ZFAND3: variants seen among roughly 807,000 people sequenced by gnomAD.
ZFAND3 encodes the protein zinc finger AN1-type containing 3.
ZFAND3 carries 10 observed loss-of-function variants against 29.6 expected under a neutral mutation model. That is an observed-to-expected ratio of 0.34 (90% CI 0.21 to 0.57). The LOEUF (loss-of-function observed/expected upper bound fraction) is 0.57, where lower values mean the gene tolerates loss of function less well. Among genes scored for constraint, ZFAND3 ranks in the 20% least tolerant of loss-of-function variants. The pLI is 0.86. For missense variants in ZFAND3, 230 were observed against 304.5 expected, an observed-to-expected ratio of 0.76 and a Z score of 1.82; for synonymous variants, 128 against 112.6, an observed-to-expected ratio of 1.14 and a Z score of -0.87.
intron 2 of ZFAND3, among the ~76,000 whole-genome samples, chr6:38,014,130 C>T (rs1028565374): frequency 6.6e-6 from 1 of 151,954 alleles, no homozygotes; most frequent in African/African-American, 2.4e-5. Flanking sequence ...CAAATGGGGG[C>T]AAAATGTAAA....
At chr6:38,139,901 T>A (rs1765915482) in intron 5 of ZFAND3, among the ~76,000 whole-genome samples, 1 of 152,172 alleles carries the variant, frequency 6.6e-6, no homozygotes, top group African/African-American at 2.4e-5. Context: ...GAAAAAAAGA[T>A]TCTGGCGGCT....
chr6:38,054,585 C>T (rs777696686), intron 2 of ZFAND3, among the ~76,000 whole-genome samples: 3 of 151,754 alleles, frequency 2.0e-5, no homozygotes, highest in Admixed American at 6.6e-5. Flanking sequence ...GAAGGAATCG[C>T]CATGAGAGGT....
intron 3 of ZFAND3, among the ~76,000 whole-genome samples, chr6:38,066,866 G>C (rs1764356210): frequency 6.6e-6 from 1 of 152,270 alleles, no homozygotes; most frequent in East Asian, 1.9e-4. Flanking sequence ...AAATGAAGCA[G>C]GTATCTAAAA....
chr6:37,928,249 C>T (rs774370605), intron 1 of ZFAND3, among the ~76,000 whole-genome samples: 1 of 152,166 alleles, frequency 6.6e-6, no homozygotes, highest in South Asian at 2.1e-4. Flanking sequence ...TCAGAGAATA[C>T]TTCCTGAGGG....
chr6:38,006,338 C>T (rs2127441731), intron 2 of ZFAND3, among the ~76,000 whole-genome samples: 1 of 152,236 alleles, frequency 6.6e-6, no homozygotes, highest in Middle Eastern at 3.4e-3. Flanking sequence ...AGAAATTTCA[C>T]ACTAATTTTA....
chr6:37,860,624 G>A (rs1764468734), intron 1 of ZFAND3, among the ~76,000 whole-genome samples: 1 of 150,322 alleles, frequency 6.7e-6, no homozygotes, highest in Admixed American at 6.6e-5. Flanking sequence ...AGTGCCAAGG[G>A]GATATTCACT....
rs546319451 is a variant in ZFAND3, at chr6:38,029,811, G to A, written c.113-31782G>A. 3.0e-4 allele frequency among the ~76,000 whole-genome samples: 45 copies of A among 152,032 alleles called. 1 individual carries two copies. The highest frequency in any genetic ancestry group is 5.0e-4 in the Non-Finnish European group (34 of 67,976). On this transcript the variant is annotated intron_variant, in intron 2 of 5. Coordinates refer to ENST00000287218, the MANE Select transcript of ZFAND3 (RefSeq NM_021943.3). Reference sequence around the variant, plus strand: ...ATTTCCAGTAATCGTATAAATTATCGTCATGTATTTTATCTTTGCATATGC... The same window carrying A: ...ATTTCCAGTAATCGTATAAATTATCATCATGTATTTTATCTTTGCATATGC...
At chr6:37,854,207 T>A (rs1764335237) in intron 1 of ZFAND3, among the ~76,000 whole-genome samples, 1 of 152,188 alleles carries the variant, frequency 6.6e-6, no homozygotes, top group Non-Finnish European at 1.5e-5. Flanking sequence ...TGCCTCAGCC[T>A]CCCAAAGTGC....
At chr6:37,988,423 A>C (rs1377555741) in intron 2 of ZFAND3, among the ~76,000 whole-genome samples, 1 of 152,174 alleles carries the variant, frequency 6.6e-6, no homozygotes, top group East Asian at 1.9e-4. Flanking sequence ...ACTTTTCCTC[A>C]TCTGCCAGAA....
At chr6:38,037,875 T>C (rs1351123688) in intron 2 of ZFAND3, among the ~76,000 whole-genome samples, 2 of 152,200 alleles carry the variant, frequency 1.3e-5, no homozygotes, top group African/African-American at 4.8e-5. Flanking sequence ...TACTGCAAAG[T>C]TGTATGAATC....
chr6:38,059,354 A>G (rs966042060), intron 2 of ZFAND3, among the ~76,000 whole-genome samples: 4 of 152,178 alleles, frequency 2.6e-5, no homozygotes, highest in African/African-American at 7.2e-5. Context: ...TACCGTGTAT[A>G]TCTTTCTGTA....
At chr6:37,851,598 G>A (rs1764283415) in intron 1 of ZFAND3, among the ~76,000 whole-genome samples, 1 of 152,132 alleles carries the variant, frequency 6.6e-6, no homozygotes, top group African/African-American at 2.4e-5. Flanking sequence ...AGATCTCAAA[G>A]TGTTGTTGCA....
chr6:38,090,486 A>C (rs1764843796), intron 4 of ZFAND3, among the ~76,000 whole-genome samples: 1 of 152,184 alleles, frequency 6.6e-6, no homozygotes, highest in Admixed American at 6.5e-5. Flanking sequence ...TTCCTGGGGC[A>C]GGGGACAAAA....
In ZFAND3 at chr6:38,087,518, AACAG is replaced by A. The variant is rs776564198; in HGVS notation, c.361+5067_361+5070del. 2.0e-4 allele frequency among the ~76,000 whole-genome samples: 31 copies of A among 152,330 alleles called. 1 individual carries two copies. The highest frequency in any genetic ancestry group is 6.2e-4 in the South Asian group (3 of 4,830). ...ACAAAATCTAATAATCGATCAAAAAAACAGACAGAAGATTTGAATAGACATTTCT... is the reference window on the plus strand; with the variant it reads ...ACAAAATCTAATAATCGATCAAAAAAACAGAAGATTTGAATAGACATTTCT... On this transcript the variant is annotated intron_variant, in intron 4 of 5. Transcript: ENST00000287218.
At chr6:38,024,080 T>C (rs1763401027) in intron 2 of ZFAND3, among the ~76,000 whole-genome samples, 1 of 152,170 alleles carries the variant, frequency 6.6e-6, no homozygotes. Context: ...TGACCAACTG[T>C]AGAAATCACT....
At chr6:38,095,166 C>G (rs1198331846) in intron 4 of ZFAND3, among the ~76,000 whole-genome samples, 1 of 152,136 alleles carries the variant, frequency 6.6e-6, no homozygotes, top group African/African-American at 2.4e-5. Flanking sequence ...GAATATATTT[C>G]TTTTTCTATG....
chr6:37,974,606 G>T (rs899216238), intron 2 of ZFAND3, among the ~76,000 whole-genome samples: 6 of 151,906 alleles, frequency 3.9e-5, no homozygotes, highest in African/African-American at 1.2e-4. Flanking sequence ...GTGCTGCCCA[G>T]GCTGGTCTCA....
chr6:37,904,043 G>A (rs1765366251), intron 1 of ZFAND3, among the ~76,000 whole-genome samples: 1 of 152,188 alleles, frequency 6.6e-6, no homozygotes, highest in Non-Finnish European at 1.5e-5. Context: ...CTTCAGCTGA[G>A]CAATAAACCT....
chr6:37,868,206 C>T (rs1340642767), intron 1 of ZFAND3, among the ~76,000 whole-genome samples: 1 of 152,046 alleles, frequency 6.6e-6, no homozygotes, highest in Non-Finnish European at 1.5e-5. Context: ...GGTTTTTCTT[C>T]TTTATTCTGT....
Sources: allele counts gnomAD v4.1 joint callset (sites outside exome capture counted in the v4.1 genomes callset), GRCh38; gene constraint gnomAD v4.1.1; transcripts MANE v1.5; gene names NCBI Gene and HGNC (gene_info 2026-07-23, HGNC 2026-07-21).